ITPR2: variants seen among roughly 807,000 people sequenced by gnomAD.
The protein encoded by ITPR2 is inositol 1,4,5-trisphosphate-gated calcium channel ITPR2.
In ITPR2, 207 loss-of-function variants were observed where a neutral mutation model predicts 317.1. The observed-to-expected ratio is 0.65, with a 90% CI of 0.58 to 0.73. The LOEUF (loss-of-function observed/expected upper bound fraction) is 0.73. ITPR2 is among the 30% of genes least tolerant of loss of function. The pLI is 0.00. For synonymous variants in ITPR2, 1,156 were observed against 1,149.1 expected, an observed-to-expected ratio of 1.01 and a Z score of -0.12; for missense variants, 2,613 against 3,284.0, an observed-to-expected ratio of 0.80 and a Z score of 4.99.
At chr12:26,439,536 T>C (rs1224992913) in intron 46 of ITPR2, among the ~76,000 whole-genome samples, 2 of 152,224 alleles carry the variant, frequency 1.3e-5, no homozygotes, top group African/African-American at 4.8e-5. Context: ...ATGAACACTA[T>C]ACTTTGCTTA....
chr12:26,662,590 A>T (rs563024048), intron 15 of ITPR2, among the ~76,000 whole-genome samples: 1 of 152,200 alleles, frequency 6.6e-6, no homozygotes, highest in Non-Finnish European at 1.5e-5. Flanking sequence ...AGAAACCCTA[A>T]TTTATCAAAC....
At chr12:26,484,147 A>ATGTATATATGTATATATACATATATG (rs1565552768) in intron 41 of ITPR2, among the ~76,000 whole-genome samples, 1 of 151,000 alleles carries the variant, frequency 6.6e-6, no homozygotes, top group East Asian at 1.9e-4. Context: ...GTGTGTATAT[A>ATGTATATATGTATATATACATATATG]TGTATATATG....
At chr12:26,431,641 A>C (rs541842311) in intron 48 of ITPR2, among the ~76,000 whole-genome samples, 3 of 152,286 alleles carry the variant, frequency 2.0e-5, no homozygotes, top group South Asian at 4.1e-4. Context: ...AAGAGTGCCC[A>C]ACAGGCTGGT....
At chr12:26,832,578 C>T in intron 1 of ITPR2, 112 bp downstream of exon 1, 1 of 733,670 alleles carries the variant, frequency 1.4e-6, no homozygotes, top group Non-Finnish European at 2.1e-6. Context: ...CCGACCCTGC[C>T]CGGCCGGGCC....
intron 45 of ITPR2, among the ~76,000 whole-genome samples, chr12:26,474,361 A>T (rs1376203203): frequency 6.6e-6 from 1 of 152,264 alleles, no homozygotes; most frequent in Non-Finnish European, 1.5e-5. Context: ...GCAAATGCAC[A>T]TTTAAAATGT....
intron 55 of ITPR2, among the ~76,000 whole-genome samples, chr12:26,366,900 C>T (rs910834122): frequency 6.6e-6 from 1 of 151,968 alleles, no homozygotes; most frequent in East Asian, 1.9e-4. Flanking sequence ...TTACTTGGTC[C>T]TACAAAAAAT....
At position 26,781,992 on chromosome 12, in the gene ITPR2, G is replaced by GTATATATATATA. The variant is rs1161714052; in HGVS notation, c.163+8153_163+8164dup. Among the ~76,000 whole-genome samples the GTATATATATATA allele has an allele frequency of 4.6e-4, 26 of 56,978 alleles. 1 individual carries two copies. The highest frequency in any genetic ancestry group is 6.4e-4 in the Non-Finnish European group (20 of 31,246). 37.4% of individuals were successfully genotyped at this position (56,978 alleles called of 152,430 possible). A position where few individuals can be genotyped will look rare whatever the true frequency, so the allele number is the denominator to read the frequency against. On this transcript the variant is annotated intron_variant, in intron 2 of 56. Transcript: ENST00000381340. ...TTAATACTACTTAATAAACTCCCCT[G>GTATATATATATA]TATATATATATATATATATATATAT...
intron 31 of ITPR2, 147 bp downstream of exon 31, chr12:26,596,735 AT>A: frequency 1.8e-6 from 1 of 541,696 alleles, no homozygotes; most frequent in Non-Finnish European, 2.9e-6. Flanking sequence ...GCTCTTTTAC[AT>A]TTTCCAAATT....
chr12:26,802,081 C>T (rs1469504079), intron 1 of ITPR2, among the ~76,000 whole-genome samples: 2 of 152,098 alleles, frequency 1.3e-5, no homozygotes, highest in African/African-American at 4.8e-5. Flanking sequence ...GAGAGGATCA[C>T]TTGAGGCAAG....
At chr12:26,673,436 ACAAAAAC>A (rs1947835354) in intron 13 of ITPR2, among the ~76,000 whole-genome samples, 1 of 152,226 alleles carries the variant, frequency 6.6e-6, no homozygotes, top group Admixed American at 6.5e-5. Context: ...AGAACCAAAG[ACAAAAAC>A]CACATGACTA....
At chr12:26,588,858 A>C (rs1264340235) in intron 32 of ITPR2, among the ~76,000 whole-genome samples, 4 of 152,230 alleles carry the variant, frequency 2.6e-5, no homozygotes, top group Non-Finnish European at 5.9e-5. Context: ...TCATTCTGCT[A>C]GTACATCACT....
At chr12:26,732,075 T>C (rs932845336) in intron 2 of ITPR2, among the ~76,000 whole-genome samples, 9 of 152,192 alleles carry the variant, frequency 5.9e-5, no homozygotes, top group Non-Finnish European at 1.3e-4. Context: ...AGAGGGAAAG[T>C]GTCCTCTAGA....
At chr12:26,540,585 C>A (rs1316406076) in intron 37 of ITPR2, among the ~76,000 whole-genome samples, 1 of 152,114 alleles carries the variant, frequency 6.6e-6, no homozygotes, top group Admixed American at 6.6e-5. Flanking sequence ...GCAATATTTT[C>A]AATATGACTT....
chr12:26,750,001 C>G (rs1388776526), intron 2 of ITPR2, among the ~76,000 whole-genome samples: 1 of 152,172 alleles, frequency 6.6e-6, no homozygotes, highest in African/African-American at 2.4e-5. Context: ...ATTAGGGGAA[C>G]AAGAAACTAT....
rs201279842 is a variant in ITPR2, at chr12:26,411,377, T to C, written c.7342A>G (p.Met2448Val). The change falls in exon 52 of 57, where the codon ATG becomes GTG. Residue 2448 changes from methionine to valine, a missense_variant. Coordinates refer to ENST00000381340, the MANE Select transcript of ITPR2 (RefSeq NM_002223.4). ...HQVPTMTLTT[M>V]MEACAKENCS... ...TTCTCCTTGGCACATGCTTCCATCA[T>C]GGTAGTTAAAGTCATAGTAGGCACT... 3.2e-5 allele frequency: 52 copies of C among 1,613,508 alleles called. No individual in the cohort carries two copies. In the Admixed American group the frequency reaches 4.8e-4, roughly 15 times the overall value.
intron 35 of ITPR2, among the ~76,000 whole-genome samples, chr12:26,560,961 T>C (rs771368493): frequency 6.6e-6 from 1 of 152,204 alleles, no homozygotes; most frequent in Non-Finnish European, 1.5e-5. Context: ...ATGGGCTGAA[T>C]TAGAACTCCC....
intron 45 of ITPR2, among the ~76,000 whole-genome samples, chr12:26,463,646 C>A (rs146992630): frequency 0.039 from 5,906 of 151,726 alleles, 131 homozygotes; most frequent in Middle Eastern, 0.11. Flanking sequence ...GCCTGGGCAA[C>A]AAGGGCGAAA....
At chr12:26,376,074 G>A (rs528053539) in intron 55 of ITPR2, among the ~76,000 whole-genome samples, 1 of 152,144 alleles carries the variant, frequency 6.6e-6, no homozygotes, top group Non-Finnish European at 1.5e-5. Context: ...GCAAAAGGGC[G>A]AGACCCGGTC....
chr12:26,646,277 T>C (rs1947112455), intron 21 of ITPR2, among the ~76,000 whole-genome samples: 1 of 147,912 alleles, frequency 6.8e-6, no homozygotes, highest in South Asian at 2.1e-4. Flanking sequence ...TCCTGGCAGA[T>C]TTTTTTTTTG....
Sources: gnomAD v4.1 joint callset for allele counts (sites outside exome capture counted in the v4.1 genomes callset) on GRCh38, gnomAD v4.1.1 for gene constraint, MANE v1.5 for transcripts, NCBI Gene and HGNC (gene_info 2026-07-23, HGNC 2026-07-21) for gene names.